Variants in PHF8 observed in about 807,000 individuals in gnomAD.
PHF8 encodes histone lysine demethylase PHF8.
A neutral mutation model predicts 74.4 loss-of-function variants in PHF8; 9 were observed. The ratio of observed to expected loss-of-function variants is 0.12; its 90% CI spans 0.07 to 0.21. PHF8 has a LOEUF of 0.21. Among genes scored for constraint, PHF8 ranks in the 10% least tolerant of loss-of-function variants. The pLI is 1.00. For missense variants in PHF8, 478 were observed against 816.6 expected, an observed-to-expected ratio of 0.59 and a Z score of 5.05; for synonymous variants, 311 against 316.6, an observed-to-expected ratio of 0.98 and a Z score of 0.19.
chrX:54,019,178 C>T (rs1045148609), intron 4 of PHF8, among the ~76,000 whole-genome samples: 1 of 111,702 alleles, frequency 9.0e-6, no homozygotes, highest in Non-Finnish European at 1.9e-5. Context: ...AAATCTAAGG[C>T]TGAGTGCAAT....
chrX:53,972,117 G>A (rs1569525700), intron 18 of PHF8, among the ~76,000 whole-genome samples: 1 of 110,060 alleles, frequency 9.1e-6, no homozygotes. Flanking sequence ...GAGGTCAAGA[G>A]ATCAAGACCA....
At chrX:54,044,844 G>A (rs781920648), upstream of PHF8, 130 of 1,129,963 alleles carry the variant, frequency 1.2e-4, no homozygotes, top group Admixed American at 3.0e-4. Flanking sequence ...GCGGGGGCGG[G>A]CTTCAGCCGG....
intron 2 of PHF8, 150 bp from the exon 3 acceptor site, chrX:54,022,993 T>C: frequency 4.4e-6 from 2 of 451,516 alleles, no homozygotes; most frequent in Non-Finnish European, 7.8e-6. Flanking sequence ...TTTCAAGCGC[T>C]CAGCAGCCAC....
At chrX:54,032,354 C>G (rs1557112772) in intron 2 of PHF8, among the ~76,000 whole-genome samples, 1 of 110,752 alleles carries the variant, frequency 9.0e-6, no homozygotes, top group Non-Finnish European at 1.9e-5. Flanking sequence ...GATCTGCACA[C>G]CCCTGACCCT....
chrX:53,959,709 A>C (rs2065070064), intron 19 of PHF8, among the ~76,000 whole-genome samples: 1 of 108,029 alleles, frequency 9.3e-6, no homozygotes, highest in African/African-American at 3.4e-5. Flanking sequence ...TAAAAATACA[A>C]AAAAATTAGC....
intron 5 of PHF8, 120 bp downstream of exon 5, chrX:54,017,541 T>C: frequency 1.7e-6 from 1 of 605,044 alleles, no homozygotes; most frequent in South Asian, 2.6e-5. Flanking sequence ...GGACAAGGCA[T>C]TTCACCTGAG....
intron 2 of PHF8, among the ~76,000 whole-genome samples, chrX:54,030,093 T>C (rs782003225): frequency 9.0e-6 from 1 of 111,063 alleles, no homozygotes; most frequent in East Asian, 2.8e-4. Flanking sequence ...CCCACAACAC[T>C]ATCCCTATTT....
intron 10 of PHF8, among the ~76,000 whole-genome samples, chrX:54,000,456 G>A (rs781815882): frequency 8.9e-6 from 1 of 112,434 alleles, no homozygotes; most frequent in Admixed American, 9.4e-5. Flanking sequence ...ACTACAAACA[G>A]CCAGATTTAG....
At chrX:54,006,870 T>G (rs2065904876) in intron 8 of PHF8, among the ~76,000 whole-genome samples, 1 of 103,359 alleles carries the variant, frequency 9.7e-6, no homozygotes, top group Admixed American at 1.1e-4. Flanking sequence ...CCCAGGAGGC[T>G]GAGGTTGCAG....
intron 6 of PHF8, among the ~76,000 whole-genome samples, chrX:54,015,015 C>A (rs1416385859): frequency 8.9e-6 from 1 of 112,022 alleles, no homozygotes; most frequent in Non-Finnish European, 1.9e-5. Context: ...ACAAATCTTA[C>A]AATACTGCAC....
At chrX:53,991,893 A>G (rs1220011016) in intron 14 of PHF8, among the ~76,000 whole-genome samples, 1 of 110,572 alleles carries the variant, frequency 9.0e-6, no homozygotes, top group Non-Finnish European at 1.9e-5. Flanking sequence ...GCCTAAATGT[A>G]CATACATATC....
chrX:54,045,002 G>A, upstream of PHF8: 1 of 698,183 alleles, frequency 1.4e-6, no homozygotes, highest in South Asian at 2.5e-5. Flanking sequence ...GCTTCGAGAA[G>A]CCAAGTGACT....
At chrX:54,008,912 C>CA (rs1313773999) in intron 8 of PHF8, among the ~76,000 whole-genome samples, 1 of 111,563 alleles carries the variant, frequency 9.0e-6, no homozygotes, top group Non-Finnish European at 1.9e-5. Flanking sequence ...CACAGTGGCT[C>CA]ACGCCTGTAA....
At position 53,975,588 on chromosome X, in the gene PHF8, T is replaced by C. The variant is rs782349966; in HGVS notation, c.2443+9326A>G. On this transcript the variant is annotated intron_variant, in intron 18 of 21. Transcript: ENST00000338154. ...TCACTTGCAGTAAAATGAAGGAAAA[T>C]GGAGGTCATTATATTAAGTGAAATA... Among the ~76,000 whole-genome samples, 14 of 111,604 alleles carry C rather than the reference T, an allele frequency of 1.3e-4. 1 individual carries two copies. The highest frequency in any genetic ancestry group is 4.2e-4 in the African/African-American group (13 of 30,796).
At chrX:53,963,885 G>GTA (rs2065140520) in intron 18 of PHF8, among the ~76,000 whole-genome samples, 1 of 111,662 alleles carries the variant, frequency 9.0e-6, no homozygotes, top group Admixed American at 9.5e-5. Flanking sequence ...CCATTACTGG[G>GTA]TATATACCCA....
At chrX:53,959,176 T>A (rs2065062722) in intron 19 of PHF8, among the ~76,000 whole-genome samples, 1 of 111,856 alleles carries the variant, frequency 8.9e-6, no homozygotes, top group Non-Finnish European at 1.9e-5. Flanking sequence ...TAATTTCTAG[T>A]CAATGTAGAG....
At chrX:54,041,063 T>C (rs1472024149) in intron 2 of PHF8, among the ~76,000 whole-genome samples, 1 of 111,621 alleles carries the variant, frequency 9.0e-6, no homozygotes, top group Non-Finnish European at 1.9e-5. Context: ...CCAGCACCTA[T>C]AGTTTGGTCT....
At chrX:54,008,101 G>A (rs2065923260) in intron 8 of PHF8, among the ~76,000 whole-genome samples, 1 of 111,888 alleles carries the variant, frequency 8.9e-6, no homozygotes, top group Admixed American at 9.5e-5. Flanking sequence ...CGGCGCAGTG[G>A]CTCACACCTG....
intron 2 of PHF8, among the ~76,000 whole-genome samples, chrX:54,037,299 G>A (rs2066480984): frequency 8.9e-6 from 1 of 111,757 alleles, no homozygotes; most frequent in African/African-American, 3.3e-5. Context: ...CCAGGCTGGA[G>A]TGTAGTGGCA....
Sources: allele counts gnomAD v4.1 joint callset (sites outside exome capture counted in the v4.1 genomes callset), GRCh38; gene constraint gnomAD v4.1.1; transcripts MANE v1.5; gene names NCBI Gene and HGNC (gene_info 2026-07-23, HGNC 2026-07-21).